CACNA1C: variants seen among roughly 807,000 people sequenced by gnomAD.
CACNA1C encodes voltage-dependent L-type calcium channel subunit alpha-1C.
In CACNA1C, 30 loss-of-function variants were observed where a neutral mutation model predicts 229.0. That is an observed-to-expected ratio of 0.13 (90% CI 0.10 to 0.18). CACNA1C has a LOEUF of 0.18. CACNA1C is among the 10% of genes least tolerant of loss of function. CACNA1C has a pLI of 1.00. For synonymous variants in CACNA1C, 1,114 were observed against 1,132.5 expected, an observed-to-expected ratio of 0.98 and a Z score of 0.33; for missense variants, 1,658 against 2,845.0, an observed-to-expected ratio of 0.58 and a Z score of 9.49.
chr12:2,100,440 C>T (rs552270615), intron 1 of CACNA1C, among the ~76,000 whole-genome samples: 7 of 139,588 alleles, frequency 5.0e-5, no homozygotes, highest in Admixed American at 2.2e-4. Context: ...ACACTCCAGC[C>T]TGGGAGACAG....
chr12:2,448,566 G>A (rs996243067), intron 3 of CACNA1C, among the ~76,000 whole-genome samples: 12 of 152,116 alleles, frequency 7.9e-5, no homozygotes, highest in African/African-American at 1.7e-4. Context: ...GAATCGGAGC[G>A]CGGTTTTCCA....
At chr12:2,556,926 G>A in intron 10 of CACNA1C, 25 bp from the exon 11 acceptor site, 1 of 1,606,364 alleles carries the variant, frequency 6.2e-7, no homozygotes, top group Non-Finnish European at 8.5e-7. Flanking sequence ...CCATCCTTTG[G>A]TAACATTTCC....
intron 34 of CACNA1C, among the ~76,000 whole-genome samples, chr12:2,655,444 C>T (rs1032104799): frequency 2.0e-5 from 3 of 152,310 alleles, no homozygotes; most frequent in South Asian, 4.1e-4. Flanking sequence ...TGCACTGGCA[C>T]ACCTGCTGGA....
chr12:2,433,062 C>A (rs1452966326), intron 3 of CACNA1C, among the ~76,000 whole-genome samples: 11 of 152,202 alleles, frequency 7.2e-5, no homozygotes, highest in Admixed American at 7.2e-4. Context: ...GGTTCCTGTT[C>A]CACGCGTTTG....
chr12:2,268,644 C>G (rs988663689), intron 3 of CACNA1C, among the ~76,000 whole-genome samples: 4 of 152,028 alleles, frequency 2.6e-5, no homozygotes, highest in Non-Finnish European at 4.4e-5. Context: ...CCCTAATGGA[C>G]AGAGGAGTGT....
In CACNA1C at chr12:2,651,507, G is replaced by A; in HGVS notation, c.3946-133G>A. The A allele has an allele frequency of 1.5e-6, 2 of 1,363,604 alleles. No homozygotes were observed. The highest frequency in any genetic ancestry group is 2.1e-6 in the Non-Finnish European group (2 of 964,186). 84.5% of individuals were successfully genotyped at this position (1,363,604 alleles called of 1,614,324 possible). ...GGGCGGCCGCCCTCCCATCGGAGGGGGAAGTCTAGTGCAGCAAACCCTGGC... is the reference window on the plus strand; with the variant it reads ...GGGCGGCCGCCCTCCCATCGGAGGGAGAAGTCTAGTGCAGCAAACCCTGGC... On this transcript the variant is annotated intron_variant, in intron 31 of 46. Transcript: ENST00000399655. The surrounding 1 kb of genome is among the most constrained non-coding windows in gnomAD (Gnocchi z 5.4).
intron 3 of CACNA1C, among the ~76,000 whole-genome samples, chr12:2,157,314 C>T (rs1409926343): frequency 2.0e-5 from 3 of 152,180 alleles, no homozygotes; most frequent in African/African-American, 7.2e-5. Context: ...CCTCAGACCC[C>T]TACTCCTATT....
intron 3 of CACNA1C, among the ~76,000 whole-genome samples, chr12:2,396,019 C>T (rs1030577268): frequency 1.3e-5 from 2 of 152,144 alleles, no homozygotes; most frequent in Admixed American, 6.5e-5. Flanking sequence ...GCCTGGTGCC[C>T]GTCCCCATGG....
intron 3 of CACNA1C, among the ~76,000 whole-genome samples, chr12:2,438,075 ATGG>A (rs552465811): frequency 1.7e-4 from 22 of 126,424 alleles, no homozygotes; most frequent in African/African-American, 6.4e-4. Context: ...GATGGTAGTG[ATGG>A]TGGTAATGGT....
chr12:2,141,805 A>C (rs1007088544), intron 3 of CACNA1C, among the ~76,000 whole-genome samples: 1 of 151,178 alleles, frequency 6.6e-6, no homozygotes, highest in Non-Finnish European at 1.5e-5. Context: ...GCCCCCATCT[A>C]TCTGGAAGTG....
At chr12:2,445,158 A>T (rs1199141618) in intron 3 of CACNA1C, among the ~76,000 whole-genome samples, 1 of 151,154 alleles carries the variant, frequency 6.6e-6, no homozygotes. Context: ...CACATTCCCT[A>T]CTCCCTACCC....
intron 7 of CACNA1C, among the ~76,000 whole-genome samples, chr12:2,501,497 G>T (rs528375452): frequency 6.6e-6 from 1 of 152,160 alleles, no homozygotes; most frequent in African/African-American, 2.4e-5. Flanking sequence ...TTGAACAAAC[G>T]TGGACTCTGA....
At chr12:1,996,654 AACAACAAAC>A (rs2040966057) in intron 1 of CACNA1C, among the ~76,000 whole-genome samples, 3 of 32,530 alleles carry the variant, frequency 9.2e-5, no homozygotes, top group African/African-American at 4.4e-4. Flanking sequence ...AAAAAAAAAA[AACAACAAAC>A]TCTTCTAATG....
chr12:2,005,994 A>G (rs1008414164), intron 1 of CACNA1C, among the ~76,000 whole-genome samples: 2 of 152,222 alleles, frequency 1.3e-5, no homozygotes, highest in East Asian at 1.9e-4. Flanking sequence ...GAGTTTCTTC[A>G]TATACTCCAA....
At chr12:2,628,793 G>A (rs2088677838) in intron 29 of CACNA1C, among the ~76,000 whole-genome samples, 1 of 152,112 alleles carries the variant, frequency 6.6e-6, no homozygotes, top group South Asian at 2.1e-4. Context: ...AGGCTGAGGA[G>A]CTTGAGACCA....
At chr12:2,036,146 A>G (rs2049100057) in intron 1 of CACNA1C, among the ~76,000 whole-genome samples, 1 of 152,212 alleles carries the variant, frequency 6.6e-6, no homozygotes, top group Admixed American at 6.5e-5. Context: ...GCAATTCAAT[A>G]CTTAGTGGAA....
chr12:2,310,718 C>G (rs1332116697), intron 3 of CACNA1C, among the ~76,000 whole-genome samples: 2 of 152,152 alleles, frequency 1.3e-5, no homozygotes, highest in African/African-American at 2.4e-5. Context: ...AGGGTTCTTT[C>G]ATTCTGTGGG....
chr12:2,076,128 T>G (rs1040384027), intron 1 of CACNA1C, among the ~76,000 whole-genome samples: 1 of 152,188 alleles, frequency 6.6e-6, no homozygotes, highest in Admixed American at 6.5e-5. Context: ...AAGACTCGCC[T>G]GGATCTGCCT....
upstream of CACNA1C, among the ~76,000 whole-genome samples, chr12:2,052,802 C>A (rs1212468035): frequency 2.1e-5 from 3 of 145,772 alleles, no homozygotes; most frequent in Non-Finnish European, 4.6e-5. Context: ...GGGCTCCAGT[C>A]CGCCGCCGTG....
Sources: allele counts gnomAD v4.1 joint callset (sites outside exome capture counted in the v4.1 genomes callset), GRCh38; gene constraint gnomAD v4.1.1; non-coding constraint Gnocchi (gnomAD v3.1); transcripts MANE v1.5; gene names NCBI Gene and HGNC (gene_info 2026-07-23, HGNC 2026-07-21).